The following KSR1 variants were observed in gnomAD, a reference collection of about 807,000 sequenced individuals.
The protein encoded by KSR1 is kinase suppressor of ras.
Under a neutral mutation model 92.9 loss-of-function variants are expected in KSR1, and 35 were observed. The observed-to-expected ratio is 0.38, with a 90% CI of 0.29 to 0.50. The LOEUF (loss-of-function observed/expected upper bound fraction) is 0.50, where lower values mean the gene tolerates loss of function less well. KSR1 is among the 20% of genes least tolerant of loss of function. The pLI is 0.94. For synonymous variants in KSR1, 467 were observed against 472.6 expected (o/e 0.99, Z 0.15); for missense variants, 972 against 1,158.5 (o/e 0.84, Z 2.34).
chr17:27,537,084 C>T (rs2070777591), intron 1 of KSR1, among the ~76,000 whole-genome samples: 2 of 152,330 alleles, frequency 1.3e-5, no homozygotes, highest in South Asian at 2.1e-4. Flanking sequence ...CTAGCAAATG[C>T]AAGATCCTAC....
intron 1 of KSR1, among the ~76,000 whole-genome samples, chr17:27,504,668 G>A (rs977265779): frequency 6.6e-6 from 1 of 152,156 alleles, no homozygotes; most frequent in Non-Finnish European, 1.5e-5. Flanking sequence ...CTGTGGCGGG[G>A]GGATGCCTTC....
chr17:27,612,747 A>G (rs1786187766), intron 18 of KSR1: 1 of 152,280 alleles, frequency 6.6e-6, no homozygotes, highest in African/African-American at 2.4e-5. Context: ...GCAGCATAAC[A>G]ATTGAAGTCT....
chr17:27,508,502 C>T (rs2069476958), intron 1 of KSR1, among the ~76,000 whole-genome samples: 3 of 151,998 alleles, frequency 2.0e-5, no homozygotes, highest in Admixed American at 1.3e-4. Context: ...TAGTGAAGCC[C>T]CTCTCTGACT....
chr17:27,548,296 C>T (rs1301118766), intron 1 of KSR1, among the ~76,000 whole-genome samples: 2 of 151,760 alleles, frequency 1.3e-5, no homozygotes, highest in East Asian at 1.9e-4. Context: ...TGAAAGAGAT[C>T]ATGGGCCTCC....
chr17:27,617,034 G>T (rs939902548), intron 18 of KSR1, among the ~76,000 whole-genome samples: 1 of 152,154 alleles, frequency 6.6e-6, no homozygotes, highest in Non-Finnish European at 1.5e-5. Flanking sequence ...TGTTCATCAT[G>T]GTTACTCTTA....
At chr17:27,595,118 C>G (rs1463468226) in intron 9 of KSR1, among the ~76,000 whole-genome samples, 2 of 152,226 alleles carry the variant, frequency 1.3e-5, no homozygotes, top group African/African-American at 4.8e-5. Flanking sequence ...CAGCCTGCAG[C>G]AAATAAACCT....
In KSR1 at chr17:27,583,110, G is replaced by T. The variant is rs1441338435; in HGVS notation, c.980+5G>T. The T allele has an allele frequency of 2.0e-6, 3 of 1,527,616 alleles. No homozygotes were observed. Among genetic ancestry groups the T allele is most frequent in the African/African-American group, 1.4e-5 (1 of 72,740 alleles). The allele number at this position is 1,527,616 out of a possible 1,614,324, so 94.6% of individuals were successfully genotyped here. A position where few individuals can be genotyped will look rare whatever the true frequency, so the allele number is the denominator to read the frequency against. ...TGATGACGTCTCCTCGATGAGGTGA[G>T]TGCTCCTTCTGGGCAGCTACCAAAA... is the stretch of plus-strand genomic sequence containing the variant. On this transcript the variant is annotated splice_donor_5th_base_variant and intron_variant, in intron 4 of 20. Coordinates refer to ENST00000644974, the MANE Select transcript of KSR1 (RefSeq NM_001394583.1).
Position 27,623,669 on chromosome 17 carries a change from G to A in KSR1, c.*277G>A, listed in dbSNP as rs903440052. On this transcript the variant is annotated 3_prime_UTR_variant, in exon 21 of 21. Coordinates refer to ENST00000644974, the MANE Select transcript of KSR1 (RefSeq NM_001394583.1). ...GAGTGAACCTGATGTTTTACAATAGGTAATAATAAAAACAGTCTGTGCAGA... is the reference window on the plus strand; with the variant it reads ...GAGTGAACCTGATGTTTTACAATAGATAATAATAAAAACAGTCTGTGCAGA... The A allele has an allele frequency of 3.3e-6, 2 of 599,080 alleles. No homozygotes were observed. The highest frequency in any genetic ancestry group is 5.9e-6 in the Non-Finnish European group (2 of 341,602). The allele number at this position is 599,080 out of a possible 1,614,324, so 37.1% of individuals were successfully genotyped here. A position where few individuals can be genotyped will look rare whatever the true frequency, so the allele number is the denominator to read the frequency against.
At chr17:27,502,090 A>G (rs1029122064) in intron 1 of KSR1, among the ~76,000 whole-genome samples, 5 of 152,224 alleles carry the variant, frequency 3.3e-5, no homozygotes, top group African/African-American at 4.8e-5. Context: ...CTCAGACTGC[A>G]TGACAGCTGA....
chr17:27,574,947 G>A (rs2072448575), intron 2 of KSR1, among the ~76,000 whole-genome samples: 1 of 152,222 alleles, frequency 6.6e-6, no homozygotes, highest in Non-Finnish European at 1.5e-5. Context: ...CTGCATTGTA[G>A]TTACCTGTTT....
At position 27,559,893 on chromosome 17, in the gene KSR1, G is replaced by A; in HGVS notation, c.372+9185G>A. ...TGGATTCCTGCAGCTCTCCCTGTGT[G>A]CAGTGTAGGGGTTGGGGCTCCTCTT... On this transcript the variant is annotated intron_variant, in intron 2 of 20. Coordinates refer to ENST00000644974, the MANE Select transcript of KSR1 (RefSeq NM_001394583.1). This position sits in a 1 kb window ranked among gnomAD's most constrained non-coding sequence, Gnocchi z 4.2. Among the ~76,000 whole-genome samples, 1 of 152,256 alleles carries A rather than the reference G, an allele frequency of 6.6e-6. No homozygotes were observed. Among genetic ancestry groups the A allele is most frequent in the Non-Finnish European group, 1.5e-5 (1 of 68,046 alleles).
rs545537117 is a variant in KSR1 at position 27,577,451 on chromosome 17, G to T, written c.373-41G>T. Reference sequence around the variant, plus strand: ...AGGCTGAGGGGCTCCCGGCCCAGCCGACTGCTCACCGCCTCTCTGCCTGTC... The same window carrying T: ...AGGCTGAGGGGCTCCCGGCCCAGCCTACTGCTCACCGCCTCTCTGCCTGTC... On this transcript the variant is annotated intron_variant, in intron 2 of 20. Transcript: ENST00000644974. The surrounding 1 kb of genome is among the most constrained non-coding windows in gnomAD (Gnocchi z 4.5). 7.7e-7 allele frequency: 1 copy of T among 1,292,862 alleles called. No homozygotes were observed. The highest frequency in any genetic ancestry group is 1.1e-6 in the Non-Finnish European group (1 of 926,522). The allele number at this position is 1,292,862 out of a possible 1,614,324, so 80.1% of individuals were successfully genotyped here. A position where few individuals can be genotyped will look rare whatever the true frequency, so the allele number is the denominator to read the frequency against.
chr17:27,535,992 C>T (rs576772724), intron 1 of KSR1, among the ~76,000 whole-genome samples: 1 of 152,238 alleles, frequency 6.6e-6, no homozygotes, highest in Non-Finnish European at 1.5e-5. Flanking sequence ...GACACTGCCT[C>T]TCTCCCATTG....
chr17:27,604,737 GAC>G lies in KSR1; in HGVS notation c.1614+16_1614+17del, dbSNP rs762441825. Reference sequence around the variant, plus strand: ...AAGCTCACGAAGCGGAGGTGAGGGTGACACACACGTGTCCACAGATGGCCCCC... The same window carrying G: ...AAGCTCACGAAGCGGAGGTGAGGGTGACACACGTGTCCACAGATGGCCCCC... On this transcript the variant is annotated intron_variant, in intron 13 of 20. Transcript: ENST00000644974. 3 of 1,613,926 alleles carry G rather than the reference GAC, an allele frequency of 1.9e-6. No homozygotes were observed. Among genetic ancestry groups the G allele is most frequent in the East Asian group, 4.5e-5 (2 of 44,886 alleles).
chr17:27,599,431 C>T (rs558435061), intron 10 of KSR1, among the ~76,000 whole-genome samples: 2 of 152,322 alleles, frequency 1.3e-5, no homozygotes, highest in East Asian at 3.9e-4. Flanking sequence ...GTGGCACATA[C>T]CTGTAGTCCC....
At position 27,462,204 on chromosome 17, in the gene KSR1, C is replaced by A. The variant is rs1597817349; in HGVS notation, c.231+5330C>A. ...TCACAATGATGCTATGAGGCCTTAT[C>A]CTGATGTTGCAGATGAGGGAATTGC... On this transcript the variant is annotated intron_variant, in intron 1 of 20. Transcript: ENST00000644974. Among the ~76,000 whole-genome samples the A allele has an allele frequency of 2.0e-5, 3 of 152,234 alleles. No individual in the cohort carries two copies. In the South Asian group the frequency reaches 6.2e-4, roughly 32 times the overall value.
intron 1 of KSR1, among the ~76,000 whole-genome samples, chr17:27,473,949 A>G (rs2068263264): frequency 6.6e-6 from 1 of 152,176 alleles, no homozygotes; most frequent in African/African-American, 2.4e-5. Context: ...AAGTAGTTAA[A>G]AAAAGAAAAA....
intron 9 of KSR1, among the ~76,000 whole-genome samples, chr17:27,594,328 T>G (rs2073267187): frequency 6.6e-6 from 1 of 152,116 alleles, no homozygotes; most frequent in African/African-American, 2.4e-5. Context: ...TCAGCAGGAA[T>G]GCAGTGCCCC....
rs116442343 is a variant in KSR1, at chr17:27,552,508, G to A, written c.372+1800G>A. ...CTTTCAGTTAAGTCCTGCAAGAGAG[G>A]CCAGTGTAGGGATCATAGCCCCAAA... On this transcript the variant is annotated intron_variant, in intron 2 of 20. Coordinates refer to ENST00000644974, the MANE Select transcript of KSR1 (RefSeq NM_001394583.1). Among the ~76,000 whole-genome samples, 1,077 of 152,312 alleles carry A rather than the reference G, an allele frequency of 7.1e-3. 12 individuals carry two copies. Among genetic ancestry groups the A allele is most frequent in the African/African-American group, 0.025 (1,047 of 41,558 alleles).
Sources: gnomAD v4.1 joint callset for allele counts (sites outside exome capture counted in the v4.1 genomes callset) on GRCh38, gnomAD v4.1.1 for gene constraint, Gnocchi (gnomAD v3.1) non-coding constraint, MANE v1.5 for transcripts, NCBI Gene and HGNC (gene_info 2026-07-23, HGNC 2026-07-21) for gene names.